Variants in TENM3 observed in about 807,000 individuals in gnomAD.
The protein encoded by TENM3 is teneurin-3.
Under a neutral mutation model 255.1 loss-of-function variants are expected in TENM3, and 63 were observed. That is an observed-to-expected ratio of 0.25 (90% confidence interval 0.20 to 0.30). The LOEUF is 0.30. TENM3 is among the 10% of genes least tolerant of loss of function. The pLI, the probability that TENM3 is intolerant of heterozygous loss-of-function variation, is 1.00. For missense variants in TENM3, 2,929 were observed against 3,461.1 expected (o/e 0.85, Z 3.86); for synonymous variants, 1,306 against 1,322.3 (o/e 0.99, Z 0.27).
chr4:182,516,640 C>T (rs113041097), intron 3 of TENM3, among the ~76,000 whole-genome samples: 99 of 152,244 alleles, frequency 6.5e-4, no homozygotes, highest in Middle Eastern at 3.4e-3. Context: ...CCTGTAATCC[C>T]AGCACTTTGG....
the TENM3 span, among the ~76,000 whole-genome samples, chr4:181,805,537 A>G: frequency 6.6e-6 from 1 of 152,166 alleles, no homozygotes; most frequent in East Asian, 1.9e-4. Context: ...GGTTCTGTTC[A>G]GAGTTTCTAT....
chr4:182,179,207 T>C (rs895196840), intron 1 of TENM3, among the ~76,000 whole-genome samples: 1 of 152,196 alleles, frequency 6.6e-6, no homozygotes, highest in African/African-American at 2.4e-5. Flanking sequence ...GCCAGGTGTC[T>C]GGGATTGTCT....
At chr4:182,163,344 C>G (rs371364778) in intron 1 of TENM3, among the ~76,000 whole-genome samples, 15 of 152,242 alleles carry the variant, frequency 9.9e-5, no homozygotes, top group African/African-American at 3.6e-4. Context: ...GCATGGAAGC[C>G]GAGATCCATA....
chr4:182,014,063 CGTATAT>C, the TENM3 span, among the ~76,000 whole-genome samples: 1 of 56,970 alleles, frequency 1.8e-5, no homozygotes, highest in Admixed American at 1.7e-4. Context: ...CGTGTATATA[CGTATAT>C]ACACATATAT....
chr4:182,288,293 C>T (rs1441098515), intron 1 of TENM3, among the ~76,000 whole-genome samples: 1 of 152,120 alleles, frequency 6.6e-6, no homozygotes, highest in Non-Finnish European at 1.5e-5. Context: ...TGGTCTCCAA[C>T]TCCTGGATTC....
the TENM3 span, among the ~76,000 whole-genome samples, chr4:181,828,711 C>T: frequency 6.6e-6 from 1 of 152,172 alleles, no homozygotes; most frequent in African/African-American, 2.4e-5. Context: ...GCCTCAGCCT[C>T]CTGAGTAGCT....
At chr4:182,019,680 T>C in the TENM3 span, among the ~76,000 whole-genome samples, 1 of 152,142 alleles carries the variant, frequency 6.6e-6, no homozygotes, top group Non-Finnish European at 1.5e-5. Context: ...TGGGTTGTTG[T>C]TGTTGTTCTT....
At chr4:182,736,701 CAG>C (rs1761197689) in intron 16 of TENM3, 105 bp from the exon 17 acceptor site, 4 of 1,079,222 alleles carry the variant, frequency 3.7e-6, no homozygotes, top group African/African-American at 3.2e-5. Context: ...AACTAAGACA[CAG>C]AGAGTCACTA....
At chr4:182,561,719 G>A (rs1030988795) in intron 3 of TENM3, among the ~76,000 whole-genome samples, 11 of 151,894 alleles carry the variant, frequency 7.2e-5, no homozygotes, top group African/African-American at 2.4e-4. Flanking sequence ...GAATAGTTAT[G>A]TAAGGGATTA....
At chr4:181,657,898 A>G in the TENM3 span, among the ~76,000 whole-genome samples, 1 of 152,202 alleles carries the variant, frequency 6.6e-6, no homozygotes, top group Admixed American at 6.5e-5. Flanking sequence ...GAAAACAAAA[A>G]TACTGTGTGT....
intron 3 of TENM3, among the ~76,000 whole-genome samples, chr4:182,364,011 T>C (rs1283794014): frequency 1.3e-5 from 2 of 152,146 alleles, no homozygotes; most frequent in Non-Finnish European, 2.9e-5. Context: ...ATTGTATAGA[T>C]GGCAGAGTAC....
the TENM3 span, among the ~76,000 whole-genome samples, chr4:181,851,947 A>G: frequency 6.6e-6 from 1 of 152,114 alleles, no homozygotes; most frequent in Admixed American, 6.5e-5. Flanking sequence ...ATTTTAAATG[A>G]CCTCCAAAGC....
At chr4:181,856,870 C>A in the TENM3 span, among the ~76,000 whole-genome samples, 1 of 152,180 alleles carries the variant, frequency 6.6e-6, no homozygotes, top group African/African-American at 2.4e-5. Context: ...GAGTAGGAGG[C>A]AGCACCACAG....
chr4:181,899,236 T>C, the TENM3 span, among the ~76,000 whole-genome samples: 1 of 152,186 alleles, frequency 6.6e-6, no homozygotes, highest in South Asian at 2.1e-4. Flanking sequence ...AAGTACTAGA[T>C]TAATTAGAAG....
the TENM3 span, among the ~76,000 whole-genome samples, chr4:181,791,128 G>T: frequency 6.6e-6 from 1 of 152,182 alleles, no homozygotes; most frequent in Non-Finnish European, 1.5e-5. Flanking sequence ...AAAGCTCAGG[G>T]GCTAGATAAT....
At chr4:182,702,360 A>G (rs1358637683) in intron 12 of TENM3, among the ~76,000 whole-genome samples, 1 of 152,200 alleles carries the variant, frequency 6.6e-6, no homozygotes, top group Non-Finnish European at 1.5e-5. Context: ...TCCTGCTGGT[A>G]TGGAGCAGAA....
At chr4:182,443,270 C>T (rs1179580380) in intron 3 of TENM3, among the ~76,000 whole-genome samples, 1 of 152,086 alleles carries the variant, frequency 6.6e-6, no homozygotes, top group Admixed American at 6.5e-5. Flanking sequence ...ATACTGCCAT[C>T]CCTGGGTGGG....
chr4:181,466,877 C>T, the TENM3 span, among the ~76,000 whole-genome samples: 13 of 151,662 alleles, frequency 8.6e-5, no homozygotes, highest in African/African-American at 3.2e-4. Context: ...TAACACAGTA[C>T]TTCTATTTTA....
At chr4:182,014,426 T>C in the TENM3 span, among the ~76,000 whole-genome samples, 4 of 152,092 alleles carry the variant, frequency 2.6e-5, no homozygotes, top group African/African-American at 9.6e-5. Flanking sequence ...GCCATCTCAG[T>C]CAATCAAAGC....
Sources: allele counts gnomAD v4.1 joint callset (sites outside exome capture counted in the v4.1 genomes callset), GRCh38; gene constraint gnomAD v4.1.1; transcripts MANE v1.5; gene names NCBI Gene and HGNC (gene_info 2026-07-23, HGNC 2026-07-21).